ADAMTS9: variants seen among roughly 807,000 people sequenced by gnomAD.
ADAMTS9 encodes the protein ADAM metallopeptidase with thrombospondin type 1 motif 9, also known as A disintegrin and metalloproteinase with thrombospondin motifs 9.
ADAMTS9 carries 107 observed loss-of-function variants against 257.1 expected under a neutral mutation model. That is an observed-to-expected ratio of 0.42 (90% CI 0.36 to 0.49). The LOEUF is 0.49. Ranked by LOEUF, ADAMTS9 falls within the 20% of genes least tolerant of loss-of-function variation. ADAMTS9 has a pLI of 0.03. For missense variants in ADAMTS9, 2,353 were observed against 2,469.1 expected, an observed-to-expected ratio of 0.95 and a Z score of 1.00; for synonymous variants, 982 against 880.9, an observed-to-expected ratio of 1.11 and a Z score of -2.03.
chr3:64,519,701 G>A (rs546043879), intron 39 of ADAMTS9, among the ~76,000 whole-genome samples: 4 of 152,082 alleles, frequency 2.6e-5, no homozygotes, highest in South Asian at 4.2e-4. Flanking sequence ...AAAACAATAT[G>A]ACCATATCAA....
chr3:64,542,699 G>C (rs193110825), intron 32 of ADAMTS9, among the ~76,000 whole-genome samples: 10 of 152,162 alleles, frequency 6.6e-5, no homozygotes, highest in African/African-American at 2.4e-4. Context: ...CATCACAATT[G>C]AAAGAACTAG....
chr3:64,652,726 C>T (rs1297067870), intron 8 of ADAMTS9, among the ~76,000 whole-genome samples: 1 of 152,156 alleles, frequency 6.6e-6, no homozygotes, highest in Non-Finnish European at 1.5e-5. Context: ...ATTCACAATG[C>T]ACCAGAAAAT....
intron 32 of ADAMTS9, among the ~76,000 whole-genome samples, chr3:64,546,077 C>A (rs1389501686): frequency 6.6e-6 from 1 of 152,166 alleles, no homozygotes; most frequent in South Asian, 2.1e-4. Flanking sequence ...AATAACTACT[C>A]CTTCTGTAAC....
At chr3:64,558,820 C>A (rs2083375879) in intron 30 of ADAMTS9, among the ~76,000 whole-genome samples, 1 of 152,124 alleles carries the variant, frequency 6.6e-6, no homozygotes. Context: ...AAGGGGTATC[C>A]TATAATGGGG....
intron 19 of ADAMTS9, among the ~76,000 whole-genome samples, chr3:64,617,861 C>T (rs545574358): frequency 3.0e-4 from 46 of 152,116 alleles, no homozygotes; most frequent in Admixed American, 2.0e-3. Context: ...CACAACCATG[C>T]GTTTGGAAAA....
chr3:64,686,972 C>G lies in ADAMTS9; in HGVS notation c.116-4G>C. 2 of 1,611,802 alleles carry G rather than the reference C, an allele frequency of 1.2e-6. No homozygotes were observed. The highest frequency in any genetic ancestry group is 1.7e-6 in the Non-Finnish European group (2 of 1,178,704). On this transcript the variant is annotated splice_region_variant and splice_polypyrimidine_tract_variant and intron_variant, in intron 1 of 39. Coordinates refer to ENST00000498707, the MANE Select transcript of ADAMTS9 (RefSeq NM_182920.2). The surrounding 1 kb of genome is among the most constrained non-coding windows in gnomAD (Gnocchi z 4.6). ...CTCAGGGTCTCTAATAATTTCACTG[C>G]GGAGAGAAGCAGAGGTATATGAACC...
chr3:64,652,637 C>T (rs1403494320), intron 8 of ADAMTS9, among the ~76,000 whole-genome samples: 1 of 152,330 alleles, frequency 6.6e-6, no homozygotes, highest in Non-Finnish European at 1.5e-5. Context: ...ATGTTACTCA[C>T]ATTTGCTCAC....
At chr3:64,545,599 G>A (rs961817061) in intron 32 of ADAMTS9, among the ~76,000 whole-genome samples, 7 of 151,968 alleles carry the variant, frequency 4.6e-5, no homozygotes, top group Non-Finnish European at 8.8e-5. Context: ...CACATACCGG[G>A]GCCTGTCATG....
chr3:64,522,028 A>AT, intron 39 of ADAMTS9, 138 bp downstream of exon 39: 2 of 659,460 alleles, frequency 3.0e-6, no homozygotes, highest in East Asian at 5.7e-5. Context: ...GGAGCAGGAG[A>AT]TAAAAAGGTA....
intron 26 of ADAMTS9, among the ~76,000 whole-genome samples, chr3:64,599,843 T>C (rs1236160973): frequency 1.3e-5 from 2 of 152,220 alleles, no homozygotes; most frequent in Admixed American, 1.3e-4. Flanking sequence ...ATATTGTCTA[T>C]GCCTGCTTTT....
chr3:64,545,679 G>A (rs910184965), intron 32 of ADAMTS9, among the ~76,000 whole-genome samples: 12 of 152,090 alleles, frequency 7.9e-5, no homozygotes, highest in Non-Finnish European at 1.5e-4. Flanking sequence ...AATAGGTGCA[G>A]CACACCAACA....
At chr3:64,584,750 C>T (rs979064178) in intron 28 of ADAMTS9, among the ~76,000 whole-genome samples, 2 of 151,986 alleles carry the variant, frequency 1.3e-5, no homozygotes, top group Non-Finnish European at 2.9e-5. Context: ...ACATTTGCTC[C>T]CCCCATCTCT....
chr3:64,620,017 T>C (rs77098815), intron 19 of ADAMTS9, among the ~76,000 whole-genome samples: 1 of 142,454 alleles, frequency 7.0e-6, no homozygotes, highest in African/African-American at 2.6e-5. Flanking sequence ...TGTCTTCCTG[T>C]TTTTTTTTTT....
intron 36 of ADAMTS9, 85 bp downstream of exon 36, chr3:64,541,010 C>A: frequency 6.4e-7 from 1 of 1,556,168 alleles, no homozygotes; most frequent in Non-Finnish European, 8.8e-7. Flanking sequence ...TACGCACCTC[C>A]CTGCTAGCCA....
chr3:64,598,353 T>C (rs987002536), intron 26 of ADAMTS9, among the ~76,000 whole-genome samples: 1 of 151,352 alleles, frequency 6.6e-6, no homozygotes, highest in Non-Finnish European at 1.5e-5. Context: ...GGTTTTGCTC[T>C]GTCACCCAGG....
At chr3:64,643,349 AACT>A (rs1700704850) in intron 11 of ADAMTS9, among the ~76,000 whole-genome samples, 1 of 152,122 alleles carries the variant, frequency 6.6e-6, no homozygotes, top group African/African-American at 2.4e-5. Context: ...TCACATAAAA[AACT>A]AATAAAAAAC....
chr3:64,684,252 T>G (rs989450698), intron 2 of ADAMTS9, among the ~76,000 whole-genome samples: 13 of 152,100 alleles, frequency 8.5e-5, no homozygotes, highest in Non-Finnish European at 1.5e-5. Context: ...AAGCCCAGTG[T>G]AATATTTCTT....
intron 32 of ADAMTS9, 143 bp downstream of exon 32, chr3:64,546,615 C>T (rs1349858329): frequency 1.2e-5 from 9 of 778,494 alleles, no homozygotes; most frequent in African/African-American, 1.8e-5. Flanking sequence ...TCCCTTTGAT[C>T]CCTGTTAGCC....
intron 12 of ADAMTS9, among the ~76,000 whole-genome samples, chr3:64,640,382 CTT>C (rs1378374310): frequency 6.6e-6 from 1 of 152,206 alleles, no homozygotes; most frequent in Non-Finnish European, 1.5e-5. Context: ...ATATTAGACT[CTT>C]TTCTCACTGC....
Sources: allele counts gnomAD v4.1 joint callset (sites outside exome capture counted in the v4.1 genomes callset), GRCh38; gene constraint gnomAD v4.1.1; non-coding constraint Gnocchi (gnomAD v3.1); transcripts MANE v1.5; gene names NCBI Gene and HGNC (gene_info 2026-07-23, HGNC 2026-07-21).